ANKK1: variants seen among roughly 807,000 people sequenced by gnomAD.
ANKK1 encodes the protein ankyrin repeat and kinase domain containing 1, also known as ankyrin repeat and protein kinase domain-containing protein 1.
A neutral mutation model predicts 37.6 loss-of-function variants in ANKK1; 37 were observed. The observed-to-expected ratio is 0.98, with a 90% confidence interval of 0.76 to 1.29. ANKK1 has a LOEUF of 1.29. Among genes scored for constraint, ANKK1 ranks in the 50% most tolerant of loss-of-function variants. ANKK1 has a pLI of 0.00. For missense variants in ANKK1, 1,019 were observed against 990.6 expected, an observed-to-expected ratio of 1.03 and a Z score of -0.39; for synonymous variants, 415 against 418.7, an observed-to-expected ratio of 0.99 and a Z score of 0.11.
rs779673107 is a variant in ANKK1, at chr11:113,399,179, C to A, written c.1210C>A (p.Gln404Lys). ...ATACACGCCCCTCCTGATCGCCGCC[C>A]AGGACCAGCAACCCGACCTCTGTGC... The part of the protein sequence containing the change: ...SGYTPLLIAA[Q>K]DQQPDLCALL... The change falls in exon 8 of 8, where the codon CAG (glutamine) becomes AAG (lysine). Residue 404 changes from glutamine (Q) to lysine (K), a missense_variant. Transcript: ENST00000303941. 1.9e-6 allele frequency: 3 copies of A among 1,600,386 alleles called. No individual in the cohort carries two copies. The highest frequency in any genetic ancestry group is 2.3e-5 in the South Asian group (2 of 88,200).
Position 113,393,470 on chromosome 11 carries a change from C to A in ANKK1, c.186-11C>A, listed in dbSNP as rs200473079. 47 of 1,603,700 alleles carry A rather than the reference C, an allele frequency of 2.9e-5. No homozygotes were observed. The African/African-American group carries it at 6.0e-4, about 21-fold the overall frequency. On this transcript the variant is annotated splice_polypyrimidine_tract_variant and intron_variant, in intron 1 of 7. Transcript: ENST00000303941. ...TCACCCCCTTCCATATCTTGCTCCC[C>A]CTCTCCATAGCTCTGATGTGAATTA...
chr11:113,394,781 T>C (rs764020314), intron 2 of ANKK1, 148 bp from the exon 3 acceptor site: 39 of 1,102,114 alleles, frequency 3.5e-5, no homozygotes, highest in Non-Finnish European at 6.7e-6. Context: ...ACCATCCAGA[T>C]AGTAAGTGGT....
rs777770244 is a variant in ANKK1, at chr11:113,400,169, C to T, written c.2200C>T (p.Arg734Cys). The T allele has an allele frequency of 4.0e-5, 63 of 1,586,022 alleles. No individual in the cohort carries two copies. The highest frequency in any genetic ancestry group is 1.7e-4 in the Middle Eastern group (1 of 5,980). The change falls in exon 8 of 8, where the codon CGC becomes TGC. Residue 734 changes from arginine to cysteine, a missense_variant. Arg to Cys is a radical substitution (Grantham distance 180, BLOSUM62 -3). Coordinates refer to ENST00000303941, the MANE Select transcript of ANKK1 (RefSeq NM_178510.2). The stretch of plus-strand genomic sequence containing the variant: ...CTGCACACCCCTGCAACTGGCCCTC[C>T]GCAGCCGAAAGCAGGGCATCATGTC... ...VSCTPLQLAL[R>C]SRKQGIMSFL...
In ANKK1 at chr11:113,399,851, A is replaced by T; in HGVS notation, c.1882A>T (p.Thr628Ser). Residue 628 changes from threonine (T) to serine (S), a missense_variant, in exon 8 of 8, where the codon ACT (threonine) becomes TCT (serine). Thr to Ser is a moderately conservative substitution (Grantham distance 58, BLOSUM62 1). Transcript: ENST00000303941. ...NMGALGAVNW[T>S]PLHLAARHGE... ...GGGTGCTCTTGGAGCTGTGAACTGG[A>T]CTCCCCTGCACCTAGCTGCACGCCA... The T allele has an allele frequency of 6.2e-7, 1 of 1,611,112 alleles. No homozygotes were observed.
intron 5 of ANKK1, 121 bp downstream of exon 5, chr11:113,396,343 T>TA: frequency 4.5e-5 from 4 of 89,534 alleles, no homozygotes; most frequent in Non-Finnish European, 1.0e-4. Context: ...CTAGAAGGAC[T>TA]TTTTTTTTTT....
intron 6 of ANKK1, 93 bp from the exon 7 acceptor site, chr11:113,397,887 C>CG: frequency 7.2e-7 from 1 of 1,392,886 alleles, no homozygotes; most frequent in Non-Finnish European, 1.0e-6. Context: ...TGACAGTGAC[C>CG]GGGAAGGTTG....
At chr11:113,395,552 C>A in intron 4 of ANKK1, 144 bp downstream of exon 4, 1 of 849,246 alleles carries the variant, frequency 1.2e-6, no homozygotes, top group Admixed American at 2.2e-5. Flanking sequence ...GATTCCTCTC[C>A]TCACCCTCCT....
intron 4 of ANKK1, 149 bp from the exon 5 acceptor site, chr11:113,395,918 T>C: frequency 1.1e-6 from 1 of 911,836 alleles, no homozygotes; most frequent in Non-Finnish European, 1.6e-6. Flanking sequence ...CTCAAGTTGG[T>C]TGAAAGTCTA....
intron 1 of ANKK1, among the ~76,000 whole-genome samples, chr11:113,388,489 G>A (rs1368098068): frequency 6.6e-6 from 1 of 152,102 alleles, no homozygotes; most frequent in Admixed American, 6.5e-5. Flanking sequence ...AGCATCCTGG[G>A]AGGCTGTGGC....
chr11:113,395,296 C>T, intron 3 of ANKK1, 63 bp from the exon 4 acceptor site: 2 of 1,602,836 alleles, frequency 1.2e-6, no homozygotes, highest in Admixed American at 3.4e-5. Flanking sequence ...CCCTGCCACC[C>T]CGGGCTGGGG....
rs374849691 is a variant in ANKK1 at position 113,399,300 on chromosome 11, C to G, written c.1331C>G (p.Ala444Gly). 3 of 1,600,852 alleles carry G rather than the reference C, an allele frequency of 1.9e-6. No individual in the cohort carries two copies. Among genetic ancestry groups the G allele is most frequent in the Non-Finnish European group, 2.6e-6 (3 of 1,174,084 alleles). Residue 444 changes from alanine to glycine, a missense_variant, in exon 8 of 8, where the codon GCG (alanine) becomes GGG (glycine). Ala to Gly is a moderately conservative substitution (Grantham distance 60). Coordinates refer to ENST00000303941, the MANE Select transcript of ANKK1 (RefSeq NM_178510.2). ...FAAQNGDDGT[A>G]RLLLDHGACV... Reference sequence around the variant, plus strand: ...GCCCAGAATGGGGATGACGGCACTGCGCGCCTGCTCCTGGACCACGGGGCC... The same window carrying G: ...GCCCAGAATGGGGATGACGGCACTGGGCGCCTGCTCCTGGACCACGGGGCC...
At chr11:113,397,106 A>G (rs911171070) in intron 5 of ANKK1, 118 bp from the exon 6 acceptor site, 31 of 818,808 alleles carry the variant, frequency 3.8e-5, no homozygotes, top group Non-Finnish European at 5.3e-5. Context: ...TTATATGAAC[A>G]TATGTGAGCC....
At chr11:113,392,323 G>A (rs1950593758) in intron 1 of ANKK1, among the ~76,000 whole-genome samples, 1 of 152,222 alleles carries the variant, frequency 6.6e-6, no homozygotes, top group South Asian at 2.1e-4. Flanking sequence ...GTGAACCCAA[G>A]AGGATGAGAG....
At chr11:113,394,666 A>G in intron 2 of ANKK1, 2 of 609,990 alleles carry the variant, frequency 3.3e-6, no homozygotes, top group African/African-American at 3.6e-5. Context: ...TTTGCATGGC[A>G]CCTCATTTAG....
At chr11:113,392,648 T>G (rs4590907) in intron 1 of ANKK1, among the ~76,000 whole-genome samples, 32,029 of 152,192 alleles carry the variant, frequency 0.21, 4,058 homozygotes, top group East Asian at 0.5. Flanking sequence ...GCACATACAG[T>G]GAAATGAGCA....
chr11:113,393,655 G>T lies in ANKK1; in HGVS notation c.360G>T (p.Arg120Ser), dbSNP rs752026138. The change falls in exon 2 of 8, where the codon AGG (arginine) becomes AGT (serine). Residue 120 changes from arginine to serine, a missense_variant. By Grantham distance (110) the Arg-to-Ser change is moderately radical. Transcript: ENST00000303941. ...LSTHSLCWKL[R>S]FRIIHETSLA... ...CCCACAGCCTCTGCTGGAAGCTCAG[G>T]TTCCGCATCATCCATGAGACCAGCT... The T allele has an allele frequency of 3.7e-6, 6 of 1,613,782 alleles. No homozygotes were observed. Among genetic ancestry groups the T allele is most frequent in the African/African-American group, 1.3e-5 (1 of 74,918 alleles).
In ANKK1 at chr11:113,399,381, A is replaced by G; in HGVS notation, c.1412A>G (p.Asn471Ser). ...GWTPLHLAAQ[N>S]NFENVARLLV... ...ACCCCTCTTCACCTGGCTGCACAGA[A>G]TAACTTTGAGAATGTGGCACGGCTT... The change falls in exon 8 of 8, where the codon AAT becomes AGT. Residue 471 changes from asparagine (N) to serine (S), a missense_variant. Coordinates refer to ENST00000303941, the MANE Select transcript of ANKK1 (RefSeq NM_178510.2). 1 of 1,601,574 alleles carries G rather than the reference A, an allele frequency of 6.2e-7. No individual in the cohort carries two copies. The highest frequency in any genetic ancestry group is 8.5e-7 in the Non-Finnish European group (1 of 1,174,474).
chr11:113,398,987 G>T lies in ANKK1; in HGVS notation c.1018G>T (p.Ala340Ser). The change falls in exon 8 of 8, where the codon GCC becomes TCC. Residue 340 changes from alanine to serine, a missense_variant. Physicochemically the swap from Ala to Ser is moderately conservative, Grantham distance 99 (BLOSUM62 1). Transcript: ENST00000303941. ...AGACTCAGGAAACTACCTGAAGCGG[G>T]CCCTTCAGCTCTCCGACCGTAAGAA... is the stretch of plus-strand genomic sequence containing the variant. ...DSDSGNYLKRALQLSDRKNLV... is the reference protein window; with the variant it reads ...DSDSGNYLKRSLQLSDRKNLV... The T allele has an allele frequency of 6.3e-7, 1 of 1,585,488 alleles. No homozygotes were observed. The highest frequency in any genetic ancestry group is 8.6e-7 in the Non-Finnish European group (1 of 1,165,462).
chr11:113,391,072 T>C (rs747981704), intron 1 of ANKK1, among the ~76,000 whole-genome samples: 8 of 152,260 alleles, frequency 5.3e-5, no homozygotes, highest in South Asian at 2.1e-4. Flanking sequence ...TCCATACTAA[T>C]TAGGTACCAT....
Sources: gnomAD v4.1 joint callset for allele counts (sites outside exome capture counted in the v4.1 genomes callset) on GRCh38, gnomAD v4.1.1 for gene constraint, MANE v1.5 for transcripts, NCBI Gene and HGNC (gene_info 2026-07-23, HGNC 2026-07-21) for gene names.